The following ZNF467 variants were observed in gnomAD, a reference collection of about 807,000 sequenced individuals.
ZNF467 encodes zinc finger protein 467.
A neutral mutation model predicts 47.8 loss-of-function variants in ZNF467; 51 were observed. The observed-to-expected ratio is 1.07, with a 90% CI of 0.85 to 1.35. ZNF467 has a LOEUF of 1.35. ZNF467 is among the 40% of genes most tolerant of loss of function. The probability of loss-of-function intolerance (pLI) is 0.00; values close to 1 mark genes in which losing one functional copy is unlikely to be tolerated. For synonymous variants in ZNF467, 416 were observed against 372.9 expected, an observed-to-expected ratio of 1.12 and a Z score of -1.33; for missense variants, 992 against 858.1, an observed-to-expected ratio of 1.16 and a Z score of -1.95.
chr7:149,775,996 G>C (rs764334914), upstream of ZNF467: 5 of 1,340,424 alleles, frequency 3.7e-6, no homozygotes, highest in Non-Finnish European at 4.0e-6. Flanking sequence ...CCTCTCTTGA[G>C]CCCAAGCCTC....
chr7:149,770,349 AG>A (rs1235573562), intron 3 of ZNF467, 90 bp downstream of exon 3: 19 of 591,616 alleles, frequency 3.2e-5, no homozygotes, highest in African/African-American at 7.3e-5. Flanking sequence ...GGAGGGAGGG[AG>A]GGGGGAGGGA....
At chr7:149,766,907 A>T (rs1476536415) in intron 4 of ZNF467, among the ~76,000 whole-genome samples, 1 of 152,186 alleles carries the variant, frequency 6.6e-6, no homozygotes, top group Non-Finnish European at 1.5e-5. Context: ...GAGAAGTCCC[A>T]TTTAGGAAGA....
chr7:149,772,633 C>T (rs1054433304), intron 1 of ZNF467, among the ~76,000 whole-genome samples: 2 of 150,632 alleles, frequency 1.3e-5, no homozygotes, highest in Non-Finnish European at 3.0e-5. Context: ...CCTGCCCCGC[C>T]GCCCTCCCAA....
chr7:149,776,307 G>A (rs773919146), upstream of ZNF467: 34 of 1,336,226 alleles, frequency 2.5e-5, no homozygotes, highest in Non-Finnish European at 3.2e-5. Flanking sequence ...GGTGACAGAG[G>A]GAATGGTGGC....
At chr7:149,767,711 C>G (rs1799266675) in intron 4 of ZNF467, among the ~76,000 whole-genome samples, 1 of 152,058 alleles carries the variant, frequency 6.6e-6, no homozygotes, top group South Asian at 2.1e-4. Context: ...ACCAACATGC[C>G]CAGCTAATAT....
chr7:149,770,143 A>G (rs971191892), intron 3 of ZNF467, among the ~76,000 whole-genome samples: 1 of 143,424 alleles, frequency 7.0e-6, no homozygotes, highest in African/African-American at 2.6e-5. Flanking sequence ...AGCTCTTATC[A>G]CCTTTGAACA....
rs987942583 is a variant in ZNF467, at chr7:149,769,892, C to T, written c.151+548G>A. 2.2e-4 allele frequency among the ~76,000 whole-genome samples: 33 copies of T among 152,230 alleles called. No individual in the cohort carries two copies. Among genetic ancestry groups the T allele is most frequent in the African/African-American group, 7.5e-4 (31 of 41,536 alleles). Reference sequence around the variant, plus strand: ...ACAGGGTCTTGCCATGTTGCCTAGGCTGGTCTCGAATGGGGCTCAAGCAAT... The same window carrying T: ...ACAGGGTCTTGCCATGTTGCCTAGGTTGGTCTCGAATGGGGCTCAAGCAAT... On this transcript the variant is annotated intron_variant, in intron 3 of 4. Transcript: ENST00000302017. This position sits in a 1 kb window ranked among gnomAD's most constrained non-coding sequence, Gnocchi z 5.3.
In ZNF467 at chr7:149,765,114, T is replaced by C. The variant is rs1020017709; in HGVS notation, c.1388A>G (p.Gln463Arg). 7 of 1,473,120 alleles carry C rather than the reference T, an allele frequency of 4.8e-6. No homozygotes were observed. Among genetic ancestry groups the C allele is most frequent in the Admixed American group, 2.5e-5 (1 of 40,700 alleles). The allele number at this position is 1,473,120 out of a possible 1,614,324, so 91.3% of individuals were successfully genotyped here. Residue 463 changes from glutamine to arginine, a missense_variant, in exon 5 of 5, where the codon CAG becomes CGG. By Grantham distance (43) the Gln-to-Arg change is conservative. Coordinates refer to ENST00000302017, the MANE Select transcript of ZNF467 (RefSeq NM_207336.3). ...HTGERPFACT[Q>R]CDRRFGSRPN... ...CCGCGAGCCGAAGCGGCGGTCACACTGCGTGCAGGCGAAGGGCCGTTCGCC... is the reference window on the plus strand; with the variant it reads ...CCGCGAGCCGAAGCGGCGGTCACACCGCGTGCAGGCGAAGGGCCGTTCGCC...
chr7:149,764,308 G>T lies in ZNF467; in HGVS notation c.*406C>A. On this transcript the variant is annotated 3_prime_UTR_variant, in exon 5 of 5. Coordinates refer to ENST00000302017, the MANE Select transcript of ZNF467 (RefSeq NM_207336.3). ...TCTGTGTGTGGATGGAGGTGGGACA[G>T]TGGCTAAGGAGAGTCAGGTGTTCCC... 7 of 443,572 alleles carry T rather than the reference G, an allele frequency of 1.6e-5. No individual in the cohort carries two copies. Among genetic ancestry groups the T allele is most frequent in the South Asian group, 5.3e-5 (1 of 18,704 alleles). 27.5% of individuals were successfully genotyped at this position (443,572 alleles called of 1,614,324 possible). A position where few individuals can be genotyped will look rare whatever the true frequency, so the allele number is the denominator to read the frequency against.
At chr7:149,767,305 C>T (rs754422551) in intron 4 of ZNF467, among the ~76,000 whole-genome samples, 4 of 152,264 alleles carry the variant, frequency 2.6e-5, no homozygotes, top group African/African-American at 7.2e-5. Context: ...GGCCCACGAA[C>T]GTGTTCTCAT....
intron 1 of ZNF467, among the ~76,000 whole-genome samples, chr7:149,771,708 C>T (rs1425393034): frequency 6.7e-6 from 1 of 149,614 alleles, no homozygotes; most frequent in Non-Finnish European, 1.5e-5. Flanking sequence ...CGCGGCTCCC[C>T]CGCCCCTCCC....
At chr7:149,766,866 T>C (rs1036748361) in intron 4 of ZNF467, among the ~76,000 whole-genome samples, 1 of 152,222 alleles carries the variant, frequency 6.6e-6, no homozygotes, top group Non-Finnish European at 1.5e-5. Flanking sequence ...GTATTCCTGC[T>C]ACTCCCTTCT....
At chr7:149,773,995 C>T (rs1799507951), upstream of ZNF467, among the ~76,000 whole-genome samples, 1 of 152,018 alleles carries the variant, frequency 6.6e-6, no homozygotes, top group Non-Finnish European at 1.5e-5. Flanking sequence ...GACTTTAAGC[C>T]AGGTCCCCTG....
Position 149,765,035 on chromosome 7 carries a change from G to T in ZNF467, c.1467C>A (p.Cys489Ter). Reference protein sequence around the residue: ...RAHSGARPFACAQCGRRFSRK... With the variant: ...RAHSGARPFA ...GGCTGAAGCGGCGGCCGCACTGAGCGCAGGCGAAAGGCCTGGCGCCGCTGT... is the reference window on the plus strand; with the variant it reads ...GGCTGAAGCGGCGGCCGCACTGAGCTCAGGCGAAAGGCCTGGCGCCGCTGT... Residue 489 changes from cysteine to a stop codon, truncating the protein, a stop_gained, in exon 5 of 5, where the codon TGC becomes TGA. Coordinates refer to ENST00000302017, the MANE Select transcript of ZNF467 (RefSeq NM_207336.3). LOFTEE classifies it high-confidence loss of function. 1.3e-6 allele frequency: 2 copies of T among 1,546,264 alleles called. No individual in the cohort carries two copies. The highest frequency in any genetic ancestry group is 1.7e-6 in the Non-Finnish European group (2 of 1,152,112).
rs1328427373 is a variant in ZNF467, at chr7:149,765,143, G to C, written c.1359C>G (p.His453Gln). Reference sequence around the variant, plus strand: ...TGCAGGCGAAGGGCCGTTCGCCCGTGTGCACGCGCGGGTGCCGCGCCAGGT... The same window carrying C: ...TGCAGGCGAAGGGCCGTTCGCCCGTCTGCACGCGCGGGTGCCGCGCCAGGT... ...GQHLARHPRV[H>Q]TGERPFACTQ... The change falls in exon 5 of 5, where the codon CAC becomes CAG. Residue 453 changes from histidine to glutamine, a missense_variant. Transcript: ENST00000302017. The C allele has an allele frequency of 2.7e-6, 4 of 1,488,510 alleles. No individual in the cohort carries two copies. The highest frequency in any genetic ancestry group is 3.6e-6 in the Non-Finnish European group (4 of 1,123,860). The allele number at this position is 1,488,510 out of a possible 1,614,324, so 92.2% of individuals were successfully genotyped here.
Position 149,765,225 on chromosome 7 carries a change from G to T in ZNF467, c.1277C>A (p.Ser426Ter). 1.4e-6 allele frequency: 2 copies of T among 1,479,894 alleles called. No homozygotes were observed. Among genetic ancestry groups the T allele is most frequent in the Non-Finnish European group, 1.8e-6 (2 of 1,118,484 alleles). The allele number at this position is 1,479,894 out of a possible 1,614,324, so 91.7% of individuals were successfully genotyped here. ...CGGGCAGAAGAAGGACCGCTCGCCCGAGGGGGCGCGCTGGGGCACCACGGG... is the reference window on the plus strand; with the variant it reads ...CGGGCAGAAGAAGGACCGCTCGCCCTAGGGGGCGCGCTGGGGCACCACGGG... ...SDPVVPQRAP[S>*]GERSFFCPDC... The change falls in exon 5 of 5, where the codon TCG (serine) becomes TAG (stop). Residue 426 changes from serine to a stop codon, truncating the protein, a stop_gained. Transcript: ENST00000302017. LOFTEE classifies it high-confidence loss of function.
chr7:149,765,639 A>T lies in ZNF467; in HGVS notation c.863T>A (p.Ile288Asn). The change falls in exon 5 of 5, where the codon ATT becomes AAT. Residue 288 changes from isoleucine (I) to asparagine (N), a missense_variant. Ile to Asn is a moderately radical substitution (Grantham distance 149). Transcript: ENST00000302017. ...EKRFRKKTHL[I>N]RHQRIHTGER... ...GCCCGTATGGATGCGCTGGTGCCGA[A>T]TCAAGTGCGTCTTCTTGCGAAAGCG... 1 of 1,609,712 alleles carries T rather than the reference A, an allele frequency of 6.2e-7. No individual in the cohort carries two copies. The highest frequency in any genetic ancestry group is 1.3e-5 in the African/African-American group (1 of 74,852).
chr7:149,774,998 C>T (rs187446222), upstream of ZNF467, among the ~76,000 whole-genome samples: 229 of 152,118 alleles, frequency 1.5e-3, 2 homozygotes, highest in African/African-American at 5.1e-3. The surrounding 1 kb of genome is among the most constrained non-coding windows in gnomAD (Gnocchi z 5.7). Context: ...CATTCCAGCC[C>T]GGGTGTCCGG....
At chr7:149,774,855 CAGG>C (rs1799531514), upstream of ZNF467, among the ~76,000 whole-genome samples, 1 of 152,140 alleles carries the variant, frequency 6.6e-6, no homozygotes, top group South Asian at 2.1e-4. This position sits in a 1 kb window ranked among gnomAD's most constrained non-coding sequence, Gnocchi z 5.7. Flanking sequence ...ATGGTGAACC[CAGG>C]AGAAGGAGAG....
Sources: gnomAD v4.1 joint callset for allele counts (sites outside exome capture counted in the v4.1 genomes callset) on GRCh38, gnomAD v4.1.1 for gene constraint, Gnocchi (gnomAD v3.1) non-coding constraint, MANE v1.5 for transcripts, NCBI Gene and HGNC (gene_info 2026-07-23, HGNC 2026-07-21) for gene names.